The following CEMIP2 variants were observed in gnomAD, a reference collection of about 807,000 sequenced individuals.
CEMIP2 encodes cell migration inducing hyaluronidase 2.
CEMIP2 carries 79 observed loss-of-function variants against 146.9 expected under a neutral mutation model. That is an observed-to-expected ratio of 0.54 (90% CI 0.45 to 0.65). The LOEUF is 0.65. Ranked by LOEUF, CEMIP2 falls within the 30% of genes least tolerant of loss-of-function variation. The pLI is 0.00. For missense variants in CEMIP2, 1,596 were observed against 1,696.2 expected, an observed-to-expected ratio of 0.94 and a Z score of 1.04; for synonymous variants, 601 against 606.3, an observed-to-expected ratio of 0.99 and a Z score of 0.13.
At chr9:71,739,471 G>C (rs1009879156) in intron 5 of CEMIP2, among the ~76,000 whole-genome samples, 1 of 148,428 alleles carries the variant, frequency 6.7e-6, no homozygotes, top group East Asian at 2.0e-4. Context: ...GCTAAGAAAC[G>C]CTTCTTATCT....
chr9:71,734,220 G>T (rs997685939), intron 6 of CEMIP2, among the ~76,000 whole-genome samples: 9,317 of 149,572 alleles, frequency 0.062, 473 homozygotes, highest in South Asian at 0.18. Flanking sequence ...TTTTGTTTTT[G>T]TTTTTGGTAA....
chr9:71,743,349 C>T (rs1823978249), intron 4 of CEMIP2, among the ~76,000 whole-genome samples: 2 of 152,142 alleles, frequency 1.3e-5, no homozygotes, highest in South Asian at 2.1e-4. Context: ...GGTGGCTACA[C>T]AGGCATCACA....
intron 18 of CEMIP2, among the ~76,000 whole-genome samples, chr9:71,702,508 T>G (rs1020939567): frequency 2.0e-5 from 3 of 152,012 alleles, no homozygotes; most frequent in Non-Finnish European, 2.9e-5. Context: ...AAGAGGGGAA[T>G]GTACTATATA....
At chr9:71,746,700 AGCT>A (rs1280066570) in intron 2 of CEMIP2, among the ~76,000 whole-genome samples, 1 of 152,178 alleles carries the variant, frequency 6.6e-6, no homozygotes, top group East Asian at 1.9e-4. Flanking sequence ...CACACTAGAA[AGCT>A]GTTTTAGAAA....
intron 22 of CEMIP2, among the ~76,000 whole-genome samples, chr9:71,688,196 A>C (rs953854559): frequency 6.6e-6 from 1 of 152,050 alleles, no homozygotes; most frequent in African/African-American, 2.4e-5. Flanking sequence ...TTCAAGAACA[A>C]ATCAGTGTTT....
intron 21 of CEMIP2, among the ~76,000 whole-genome samples, chr9:71,693,473 C>A (rs3780605): frequency 6.6e-6 from 1 of 152,056 alleles, no homozygotes; most frequent in African/African-American, 2.4e-5. Context: ...TTTTCCTCAA[C>A]TGAAAAAATA....
intron 1 of CEMIP2, among the ~76,000 whole-genome samples, chr9:71,753,649 C>T (rs545029691): frequency 3.3e-5 from 5 of 151,762 alleles, no homozygotes; most frequent in African/African-American, 1.2e-4. Flanking sequence ...ATAAAATAAC[C>T]AAAAAAATCA....
intron 12 of CEMIP2, among the ~76,000 whole-genome samples, chr9:71,721,704 A>C (rs563603654): frequency 4.6e-4 from 70 of 152,328 alleles, no homozygotes; most frequent in African/African-American, 1.6e-3. Flanking sequence ...GCACTCTATC[A>C]ACTCCATAAA....
intron 19 of CEMIP2, among the ~76,000 whole-genome samples, chr9:71,700,227 A>G (rs1043821648): frequency 3.9e-5 from 6 of 152,228 alleles, no homozygotes; most frequent in Non-Finnish European, 5.9e-5. Context: ...CCACAGTTAC[A>G]CAGTGATTTT....
In CEMIP2 at chr9:71,746,292, T is replaced by A; in HGVS notation, c.381A>T (p.Gln127His). The A allele has an allele frequency of 6.2e-7, 1 of 1,614,008 alleles. No homozygotes were observed. The highest frequency in any genetic ancestry group is 1.1e-5 in the South Asian group (1 of 91,082). ...NPRLRNWDPG[Q>H]DSAKQVVIKE... ...TGATAACAACTTGCTTTGCAGAATC[T>A]TGTCCTGGATCCCAATTCCTGAGAC... The change falls in exon 3 of 24, where the codon CAA (glutamine) becomes CAT (histidine). Residue 127 changes from glutamine to histidine, a missense_variant. Gln to His is a conservative substitution (Grantham distance 24). Transcript: ENST00000377044.
chr9:71,765,508 A>T (rs1433618416), intron 1 of CEMIP2, among the ~76,000 whole-genome samples: 4 of 152,218 alleles, frequency 2.6e-5, no homozygotes. Flanking sequence ...CTTGTTTTAA[A>T]TCCAAGTCTG....
chr9:71,714,765 A>G (rs62546968), intron 15 of CEMIP2, among the ~76,000 whole-genome samples, 169 bp downstream of exon 15: 8,682 of 152,302 alleles, frequency 0.057, 271 homozygotes, highest in South Asian at 0.069. Flanking sequence ...TAATAATTAT[A>G]ATAGTAGTAG....
intron 1 of CEMIP2, among the ~76,000 whole-genome samples, chr9:71,766,729 GGA>G (rs1403101971): frequency 1.3e-5 from 2 of 152,148 alleles, no homozygotes; most frequent in Non-Finnish European, 2.9e-5. Context: ...TCCACACACA[GGA>G]GAGTCCTCAG....
chr9:71,740,276 A>G, intron 4 of CEMIP2, 44 bp from the exon 5 acceptor site: 1 of 1,594,196 alleles, frequency 6.3e-7, no homozygotes, highest in Non-Finnish European at 8.5e-7. Flanking sequence ...TTGTCATGGT[A>G]TTCACAAAAT....
chr9:71,703,883 G>A (rs551354132), intron 18 of CEMIP2, among the ~76,000 whole-genome samples: 110 of 152,282 alleles, frequency 7.2e-4, no homozygotes, highest in African/African-American at 2.5e-3. Context: ...CCCTTAGGCA[G>A]AATTATTTAA....
At chr9:71,742,163 C>T (rs548889752) in intron 4 of CEMIP2, among the ~76,000 whole-genome samples, 2 of 152,328 alleles carry the variant, frequency 1.3e-5, no homozygotes, top group South Asian at 2.1e-4. Flanking sequence ...TAAAAGTTAA[C>T]CGAAGCATGC....
At chr9:71,747,544 C>T (rs1824124543) in intron 2 of CEMIP2, among the ~76,000 whole-genome samples, 1 of 152,078 alleles carries the variant, frequency 6.6e-6, no homozygotes, top group African/African-American at 2.4e-5. Flanking sequence ...TTTGGTTGTT[C>T]AGAATTCCAA....
At chr9:71,737,577 T>A (rs1292195589) in intron 5 of CEMIP2, among the ~76,000 whole-genome samples, 1 of 152,104 alleles carries the variant, frequency 6.6e-6, no homozygotes, top group South Asian at 2.1e-4. Context: ...ATAGACATGG[T>A]CCCACTATGT....
chr9:71,691,665 T>C (rs555811401), intron 21 of CEMIP2, among the ~76,000 whole-genome samples: 9 of 152,056 alleles, frequency 5.9e-5, no homozygotes, highest in East Asian at 1.9e-4. Flanking sequence ...AAACCCACAA[T>C]ACTTTCCATG....
Sources: gnomAD v4.1 joint callset for allele counts (sites outside exome capture counted in the v4.1 genomes callset) on GRCh38, gnomAD v4.1.1 for gene constraint, MANE v1.5 for transcripts, NCBI Gene and HGNC (gene_info 2026-07-23, HGNC 2026-07-21) for gene names.